ARMCX4: variants seen among roughly 807,000 people sequenced by gnomAD.
The protein encoded by ARMCX4 is armadillo repeat containing X-linked 4.
Under a neutral mutation model 34.7 loss-of-function variants are expected in ARMCX4, and 3 were observed. The ratio of observed to expected loss-of-function variants is 0.09; its 90% CI spans 0.04 to 0.22. The LOEUF is 0.22. ARMCX4 is among the 10% of genes least tolerant of loss of function. The probability of loss-of-function intolerance (pLI) is 1.00; values close to 1 mark genes in which losing one functional copy is unlikely to be tolerated. For missense variants in ARMCX4, 1,448 were observed against 1,720.8 expected (o/e 0.84, Z 2.81); for synonymous variants, 513 against 632.8 (o/e 0.81, Z 2.84).
intron 11 of ARMCX4, among the ~76,000 whole-genome samples, chrX:101,524,831 G>A (rs1482238329): frequency 1.8e-5 from 2 of 111,836 alleles, no homozygotes; most frequent in Non-Finnish European, 3.8e-5. Context: ...AGCTCAACGA[G>A]ACCTGCCTGA....
chrX:101,471,745 T>C (rs1289218862), intron 4 of ARMCX4, among the ~76,000 whole-genome samples: 1 of 110,875 alleles, frequency 9.0e-6, no homozygotes, highest in African/African-American at 3.3e-5. Context: ...CAGCTGAGGG[T>C]CCTGTCTGTT....
Position 101,495,404 on chromosome X carries a change from C to A in ARMCX4, c.6815C>A (p.Ala2272Glu). The A allele has an allele frequency of 1.7e-6, 2 of 1,143,158 alleles. No individual in the cohort carries two copies. The highest frequency in any genetic ancestry group is 2.8e-5 in the Admixed American group (1 of 36,083). The allele number at this position is 1,143,158 out of a possible 1,213,427, so 94.2% of individuals were successfully genotyped here. The change falls in exon 6 of 6, where the codon GCA becomes GAA. Residue 2272 changes from alanine (A) to glutamate (E), a missense_variant. Transcript: ENST00000423738. ...GCCAAGAAACTTCGAGCCTTAGCAG[C>A]AGAATGCAATGACCCTGAGGTGAAA... ...ACAKKLRALA[A>E]ECNDPEVKER... is the part of the protein sequence containing the mutation.
At chrX:101,503,421 A>G (rs1934357416) in intron 7 of ARMCX4, among the ~76,000 whole-genome samples, 1 of 111,171 alleles carries the variant, frequency 9.0e-6, no homozygotes, top group Admixed American at 9.5e-5. Flanking sequence ...AAGTGTTCCT[A>G]TTTCTCTACA....
chrX:101,431,968 A>G lies in ARMCX4; in HGVS notation n.165-12084A>G, dbSNP rs1026440709. Among the ~76,000 whole-genome samples the G allele has an allele frequency of 2.7e-5, 3 of 112,769 alleles. No individual in the cohort carries two copies. In the South Asian group the frequency reaches 1.1e-3, roughly 40 times the overall value. ...TAAATTTATGAAAGTACAAAAAGAT[A>G]TATATGAAAACAAATGAGCCAGAGG... On this transcript the variant is annotated intron_variant and non_coding_transcript_variant, in intron 2 of 3. Coordinates refer to the ARMCX4 transcript ENST00000430461.
At position 101,488,039 on chromosome X, in the gene ARMCX4, T is replaced by C; in HGVS notation, c.-202-5T>C. 1 of 928,883 alleles carries C rather than the reference T, an allele frequency of 1.1e-6. No individual in the cohort carries two copies. The highest frequency in any genetic ancestry group is 1.4e-6 in the Non-Finnish European group (1 of 716,794). The allele number at this position is 928,883 out of a possible 1,213,427, so 76.6% of individuals were successfully genotyped here. A position where few individuals can be genotyped will look rare whatever the true frequency, so the allele number is the denominator to read the frequency against. On this transcript the variant is annotated splice_region_variant and splice_polypyrimidine_tract_variant and intron_variant, in intron 4 of 5. Transcript: ENST00000423738. ...AGATCTCATGAATTTATGTATCTACTTTAGGGTGTACTGCCAAGAGAAGCA... is the reference window on the plus strand; with the variant it reads ...AGATCTCATGAATTTATGTATCTACCTTAGGGTGTACTGCCAAGAGAAGCA...
At chrX:101,529,532 C>A (rs1935069789) in intron 11 of ARMCX4, among the ~76,000 whole-genome samples, 1 of 111,787 alleles carries the variant, frequency 8.9e-6, no homozygotes, top group African/African-American at 3.3e-5. Context: ...AAACTACCAT[C>A]AGAGTGAACA....
Position 101,476,705 on chromosome X carries a change from T to A in ARMCX4, c.-472-9318T>A, listed in dbSNP as rs1459244193. ...TGTAAAACCTGGGATGAGGTTAGAG[T>A]TATTAAAGAGGGTCATTTATACACT... On this transcript the variant is annotated intron_variant and NMD_transcript_variant, in intron 4 of 15. Transcript: ENST00000433011. Among the ~76,000 whole-genome samples, 3 of 111,078 alleles carry A rather than the reference T, an allele frequency of 2.7e-5. No homozygotes were observed. The Admixed American group carries it at 2.9e-4, about 11-fold the overall frequency.
intron 7 of ARMCX4, among the ~76,000 whole-genome samples, chrX:101,503,329 T>C (rs1410332113): frequency 4.5e-5 from 5 of 111,351 alleles, no homozygotes; most frequent in Non-Finnish European, 7.5e-5. Context: ...TCAAATGGTA[T>C]TTCTAGTTCT....
chrX:101,535,116 T>TG (rs782486178), downstream of ARMCX4, among the ~76,000 whole-genome samples: 10 of 111,451 alleles, frequency 9.0e-5, no homozygotes, highest in East Asian at 8.4e-4. Flanking sequence ...GAGGTTTTCT[T>TG]GGGGGGCTGG....
Position 101,491,580 on chromosome X carries a change from G to A in ARMCX4, c.2991G>A (p.Gln997=), listed in dbSNP as rs1401531195. The A allele has an allele frequency of 1.7e-6, 2 of 1,156,588 alleles. No homozygotes were observed. Among genetic ancestry groups the A allele is most frequent in the Admixed American group, 5.1e-5 (2 of 38,869 alleles). Reference sequence around the variant, plus strand: ...AGCCCCAAGCTGTCGCTAATTCCCAGAGTGAGACCTTGCTTGGTGCCAGGA... The same window carrying A: ...AGCCCCAAGCTGTCGCTAATTCCCAAAGTGAGACCTTGCTTGGTGCCAGGA... ...SAQPQAVANS[Q]SETLLGARNK... Residue 997 remains glutamine, a synonymous_variant, in exon 6 of 6, where the codon CAG becomes CAA. Coordinates refer to ENST00000423738, the MANE Select transcript of ARMCX4 (RefSeq NM_001256155.3).
At chrX:101,481,893 A>G (rs1188022879), upstream of ARMCX4, among the ~76,000 whole-genome samples, 2 of 111,329 alleles carry the variant, frequency 1.8e-5, no homozygotes, top group Non-Finnish European at 3.8e-5. Flanking sequence ...GAGCTCTTTG[A>G]GACATAATTT....
At chrX:101,516,188 T>G (rs1192492560) in intron 11 of ARMCX4, among the ~76,000 whole-genome samples, 1 of 111,585 alleles carries the variant, frequency 9.0e-6, no homozygotes, top group Non-Finnish European at 1.9e-5. Flanking sequence ...AGCTCATTTA[T>G]CTTTCTGAAT....
chrX:101,518,144 G>T (rs782787196), intron 11 of ARMCX4, among the ~76,000 whole-genome samples: 113 of 112,020 alleles, frequency 1.0e-3, no homozygotes, highest in Non-Finnish European at 1.8e-3. Flanking sequence ...CATGAACCTA[G>T]AAGTCTGTAC....
rs940538525 is a variant in ARMCX4, at chrX:101,478,959, T to A, written c.-472-7064T>A. 6.3e-5 allele frequency among the ~76,000 whole-genome samples: 7 copies of A among 111,143 alleles called. No homozygotes were observed. In the East Asian group the frequency reaches 2.0e-3, roughly 31 times the overall value. The stretch of plus-strand genomic sequence containing the variant: ...AATGAAATAACTATATGTACATATA[T>A]ATGTATATACATACACACACACATA... On this transcript the variant is annotated intron_variant and NMD_transcript_variant, in intron 4 of 15. Coordinates refer to the ARMCX4 transcript ENST00000433011.
chrX:101,515,461 TCCTTCCTCCCTCCCTC>T (rs1461236881), intron 11 of ARMCX4, among the ~76,000 whole-genome samples: 1 of 40,483 alleles, frequency 2.5e-5, no homozygotes, highest in African/African-American at 9.5e-5. Context: ...CTTCCTTCCT[TCCTTCCTCCCTCCCTC>T]CCTCCCTCCC....
intron 11 of ARMCX4, among the ~76,000 whole-genome samples, chrX:101,529,509 T>C (rs1490766689): frequency 1.8e-5 from 2 of 111,895 alleles, no homozygotes; most frequent in Non-Finnish European, 3.8e-5. Flanking sequence ...AAAGAGCTTC[T>C]GCACAGCAAA....
chrX:101,507,186 T>A, intron 8 of ARMCX4, among the ~76,000 whole-genome samples: 1 of 111,082 alleles, frequency 9.0e-6, no homozygotes, highest in Non-Finnish European at 1.9e-5. Flanking sequence ...TTTTTCACAA[T>A]TGAGACATTA....
rs782113383 is a variant in ARMCX4, at chrX:101,529,560, G to A, written c.*1781-2084G>A. 1.4e-3 allele frequency among the ~76,000 whole-genome samples: 151 copies of A among 111,624 alleles called. 1 individual carries two copies. The highest frequency in any genetic ancestry group is 4.6e-3 in the African/African-American group (141 of 30,751). On this transcript the variant is annotated intron_variant and NMD_transcript_variant, in intron 11 of 12. Coordinates refer to the ARMCX4 transcript ENST00000354842. ...AGTGAACAGGCAACCTACAGAATGG[G>A]AGAAAATTTTTGCAATCTACTCATC...
intron 2 of ARMCX4, among the ~76,000 whole-genome samples, chrX:101,440,513 A>T (rs1176055605): frequency 3.6e-5 from 4 of 111,721 alleles, no homozygotes; most frequent in African/African-American, 1.3e-4. Flanking sequence ...GCTGCCAGGG[A>T]CATTTAAGTC....
Sources: allele counts gnomAD v4.1 joint callset (sites outside exome capture counted in the v4.1 genomes callset), GRCh38; gene constraint gnomAD v4.1.1; transcripts MANE v1.5; gene names NCBI Gene and HGNC (gene_info 2026-07-23, HGNC 2026-07-21).